Variants in PDE5A observed in about 807,000 individuals in gnomAD.
PDE5A encodes phosphodiesterase 5A.
Under a neutral mutation model 110.2 loss-of-function variants are expected in PDE5A, and 67 were observed. That is an observed-to-expected ratio of 0.61 (90% CI 0.50 to 0.75). The LOEUF is 0.75. Ranked by LOEUF, PDE5A falls within the 30% of genes least tolerant of loss-of-function variation. PDE5A has a pLI of 0.00. For synonymous variants in PDE5A, 328 were observed against 351.2 expected (o/e 0.93, Z 0.74); for missense variants, 862 against 1,045.1 (o/e 0.82, Z 2.42).
At chr4:119,533,967 G>A (rs1424308907) in intron 11 of PDE5A, among the ~76,000 whole-genome samples, 1 of 152,072 alleles carries the variant, frequency 6.6e-6, no homozygotes, top group Non-Finnish European at 1.5e-5. Context: ...CAAGAACAGT[G>A]CCCTCATATT....
At chr4:119,616,431 A>T (rs1462164961) in intron 1 of PDE5A, among the ~76,000 whole-genome samples, 2 of 152,178 alleles carry the variant, frequency 1.3e-5, no homozygotes, top group Non-Finnish European at 2.9e-5. Context: ...CAATGAATCA[A>T]ATCAGAAGTT....
intron 4 of PDE5A, among the ~76,000 whole-genome samples, chr4:119,566,106 T>C (rs1261222251): frequency 6.6e-6 from 1 of 151,990 alleles, no homozygotes; most frequent in Non-Finnish European, 1.5e-5. Context: ...ATAGACATAA[T>C]AATGGAATTC....
At chr4:119,582,587 C>T (rs1378322467) in intron 3 of PDE5A, among the ~76,000 whole-genome samples, 1 of 152,156 alleles carries the variant, frequency 6.6e-6, no homozygotes, top group Non-Finnish European at 1.5e-5. Context: ...TTTACTCTTC[C>T]CAGAGCCACC....
At chr4:119,581,666 C>G (rs1211454942) in intron 3 of PDE5A, among the ~76,000 whole-genome samples, 1 of 152,176 alleles carries the variant, frequency 6.6e-6, no homozygotes, top group East Asian at 1.9e-4. Context: ...AAGACATGAC[C>G]TCTTCTCCAT....
chr4:119,578,785 C>G (rs1216157782), intron 3 of PDE5A, among the ~76,000 whole-genome samples: 6 of 152,092 alleles, frequency 3.9e-5, no homozygotes, highest in Non-Finnish European at 7.4e-5. Flanking sequence ...TGGGCAAGGA[C>G]TTCATGTCTA....
chr4:119,595,372 C>T (rs939647218), intron 3 of PDE5A, among the ~76,000 whole-genome samples: 7 of 152,146 alleles, frequency 4.6e-5, no homozygotes, highest in African/African-American at 1.4e-4. Flanking sequence ...GGTGAAACCT[C>T]GGCATTAGAA....
intron 3 of PDE5A, chr4:119,569,693 A>G (rs544649858): frequency 6.5e-6 from 1 of 152,716 alleles, no homozygotes; most frequent in African/African-American, 2.4e-5. Context: ...TAGTATAAGT[A>G]ATCTAGGGGT....
At chr4:119,554,251 T>A (rs531390024) in intron 7 of PDE5A, among the ~76,000 whole-genome samples, 263 of 152,292 alleles carry the variant, frequency 1.7e-3, no homozygotes, top group African/African-American at 5.8e-3. Flanking sequence ...CCTTCTGTCT[T>A]TTTGTCGTGT....
At chr4:119,626,333 T>C (rs915614647) in intron 1 of PDE5A, among the ~76,000 whole-genome samples, 4 of 152,182 alleles carry the variant, frequency 2.6e-5, no homozygotes, top group Admixed American at 6.5e-5. Flanking sequence ...AAAGTGTTGG[T>C]AGGTTCTGAA....
Position 119,628,521 on chromosome 4 carries a change from T to C in PDE5A, c.151A>G (p.Arg51Gly), listed in dbSNP as rs201243863. The change falls in exon 1 of 21, where the codon AGA becomes GGA. Residue 51 changes from arginine (R) to glycine (G), a missense_variant and splice_region_variant. Coordinates refer to ENST00000354960, the MANE Select transcript of PDE5A (RefSeq NM_001083.4). ...TFSYFVRKAT[R>G]EMVNAWFAER... ...GTCTTCCGTGGGTCCTCTTCTTACC[T>C]GGTGGCTTTTCTAACAAAGTATGAG... The C allele has an allele frequency of 1.7e-5, 26 of 1,573,480 alleles. No homozygotes were observed. Among genetic ancestry groups the C allele is most frequent in the Non-Finnish European group, 2.3e-5 (26 of 1,155,334 alleles).
At chr4:119,502,861 C>G (rs1394530243) in intron 18 of PDE5A, among the ~76,000 whole-genome samples, 1 of 152,102 alleles carries the variant, frequency 6.6e-6, no homozygotes, top group Non-Finnish European at 1.5e-5. Flanking sequence ...AGGTACATCT[C>G]TCTGTCTTTG....
Position 119,498,437 on chromosome 4 carries a change from TA to T in PDE5A, c.*163del. On this transcript the variant is annotated 3_prime_UTR_variant, in exon 21 of 21. Transcript: ENST00000354960. ...ATACAAAAAATATGTAATAGTCCTC[TA>T]AAAACATTCATGCTATACTCTCAAA... The T allele has an allele frequency of 1.5e-6, 1 of 676,320 alleles. No homozygotes were observed. Among genetic ancestry groups the T allele is most frequent in the Non-Finnish European group, 2.4e-6 (1 of 409,732 alleles). The allele number at this position is 676,320 out of a possible 1,614,324, so 41.9% of individuals were successfully genotyped here.
chr4:119,625,018 T>C, intron 1 of PDE5A, among the ~76,000 whole-genome samples: 1 of 151,988 alleles, frequency 6.6e-6, no homozygotes, highest in East Asian at 1.9e-4. Flanking sequence ...TAGCTTTTTT[T>C]TTTTTTTTTT....
At chr4:119,505,764 T>C (rs903998610) in intron 17 of PDE5A, 91 bp downstream of exon 17, 1 of 707,818 alleles carries the variant, frequency 1.4e-6, no homozygotes, top group African/African-American at 1.9e-5. Context: ...TTGTAACAAA[T>C]AATTGCAATA....
chr4:119,501,630 G>T lies in PDE5A; in HGVS notation c.2407-377C>A, dbSNP rs1725337159. On this transcript the variant is annotated intron_variant, in intron 19 of 20. Coordinates refer to ENST00000354960, the MANE Select transcript of PDE5A (RefSeq NM_001083.4). ...AGAACACAAAGCTGGCTCTAGAAAGGTGAATCAGTGGGTTAGCCTAGGAAG... is the reference window on the plus strand; with the variant it reads ...AGAACACAAAGCTGGCTCTAGAAAGTTGAATCAGTGGGTTAGCCTAGGAAG... Among the ~76,000 whole-genome samples, 3 of 152,118 alleles carry T rather than the reference G, an allele frequency of 2.0e-5. 1 individual carries two copies. The highest frequency in any genetic ancestry group is 7.2e-5 in the African/African-American group (3 of 41,424).
chr4:119,545,561 C>A (rs912152349), intron 9 of PDE5A, among the ~76,000 whole-genome samples: 8 of 152,090 alleles, frequency 5.3e-5, no homozygotes, highest in African/African-American at 1.9e-4. Flanking sequence ...TCAGTGTTAC[C>A]TAATATTATT....
chr4:119,505,417 T>C (rs866126836), intron 17 of PDE5A, among the ~76,000 whole-genome samples: 6 of 151,982 alleles, frequency 3.9e-5, no homozygotes, highest in Admixed American at 1.3e-4. Context: ...GTTTTAATCA[T>C]AGAGACTTAA....
At chr4:119,617,102 C>G (rs1054158814) in intron 1 of PDE5A, among the ~76,000 whole-genome samples, 2 of 152,064 alleles carry the variant, frequency 1.3e-5, no homozygotes, top group Admixed American at 1.3e-4. Flanking sequence ...TGAAATGTAA[C>G]TGTATGGCAT....
intron 1 of PDE5A, among the ~76,000 whole-genome samples, chr4:119,608,205 T>C (rs951487734): frequency 2.0e-5 from 3 of 152,086 alleles, no homozygotes; most frequent in African/African-American, 7.2e-5. Flanking sequence ...TTTTCTAGAT[T>C]ATCTATGACT....
Sources: gnomAD v4.1 joint callset for allele counts (sites outside exome capture counted in the v4.1 genomes callset) on GRCh38, gnomAD v4.1.1 for gene constraint, MANE v1.5 for transcripts, NCBI Gene and HGNC (gene_info 2026-07-23, HGNC 2026-07-21) for gene names.